The following COL24A1 variants were observed in gnomAD, a reference collection of about 807,000 sequenced individuals.
COL24A1 encodes collagen type XXIV alpha 1 chain.
A neutral mutation model predicts 253.9 loss-of-function variants in COL24A1; 224 were observed. The observed-to-expected ratio is 0.88, with a 90% confidence interval of 0.79 to 0.99. COL24A1 has a LOEUF of 0.99. Ranked by LOEUF, COL24A1 falls within the 50% of genes least tolerant of loss-of-function variation. The pLI is 0.00. For synonymous variants in COL24A1, 685 were observed against 673.7 expected (o/e 1.02, Z -0.26); for missense variants, 2,131 against 2,068.5 (o/e 1.03, Z -0.59).
At chr1:85,962,656 G>C (rs967583390) in intron 23 of COL24A1, among the ~76,000 whole-genome samples, 7 of 152,116 alleles carry the variant, frequency 4.6e-5, no homozygotes, top group African/African-American at 1.7e-4. Flanking sequence ...GTGAGGAATG[G>C]CATCAGCAAA....
intron 2 of COL24A1, among the ~76,000 whole-genome samples, chr1:86,143,034 T>A (rs997114841): frequency 2.0e-5 from 3 of 152,142 alleles, no homozygotes; most frequent in Admixed American, 6.6e-5. Context: ...GGGAATAATA[T>A]TTACAGCCTA....
chr1:85,961,880 C>T lies in COL24A1; in HGVS notation c.2518-587G>A, dbSNP rs1571383875. ...CAAGAATAGCAAGGCGGAAATAAGC[C>T]CCAATGAGCCAATCGCTTCCCACTA... On this transcript the variant is annotated intron_variant, in intron 23 of 59. Coordinates refer to ENST00000370571, the MANE Select transcript of COL24A1 (RefSeq NM_152890.7). Among the ~76,000 whole-genome samples the T allele has an allele frequency of 2.6e-5, 4 of 152,214 alleles. No individual in the cohort carries two copies. The South Asian group carries it at 8.3e-4, about 32-fold the overall frequency.
intron 7 of COL24A1, among the ~76,000 whole-genome samples, chr1:86,073,844 C>T (rs1218272921): frequency 6.6e-6 from 1 of 152,102 alleles, no homozygotes; most frequent in Non-Finnish European, 1.5e-5. Context: ...GAATTTTCAA[C>T]CCAGAATTTC....
chr1:85,921,134 G>A (rs1317718013), intron 24 of COL24A1, among the ~76,000 whole-genome samples: 9 of 152,118 alleles, frequency 5.9e-5, no homozygotes, highest in South Asian at 2.1e-4. Flanking sequence ...GTGGGGCATC[G>A]CCTCACCTGG....
At chr1:86,067,543 T>A (rs1181424584) in intron 7 of COL24A1, among the ~76,000 whole-genome samples, 1 of 152,162 alleles carries the variant, frequency 6.6e-6, no homozygotes, top group Non-Finnish European at 1.5e-5. Context: ...AATTTAAGAA[T>A]CACTTAGGTA....
At chr1:85,764,296 A>G (rs1278538536) in intron 53 of COL24A1, among the ~76,000 whole-genome samples, 1 of 152,126 alleles carries the variant, frequency 6.6e-6, no homozygotes, top group African/African-American at 2.4e-5. Context: ...GTTTGAAAGG[A>G]GAATTTAGTA....
intron 32 of COL24A1, among the ~76,000 whole-genome samples, chr1:85,882,788 G>A (rs768669189): frequency 3.3e-5 from 5 of 152,178 alleles, no homozygotes; most frequent in Admixed American, 6.5e-5. Context: ...TTGATGCTCC[G>A]TCGTCAGGTG....
Position 86,008,710 on chromosome 1 carries a change from T to C in COL24A1, c.2310+8441A>G, listed in dbSNP as rs1171322630. ...AAAGAAGAACTAAAATGATCTCTAT[T>C]TGAAAATTACATGATAGCATGTCTA... On this transcript the variant is annotated intron_variant, in intron 19 of 59. Transcript: ENST00000370571. Among the ~76,000 whole-genome samples the C allele has an allele frequency of 2.0e-5, 3 of 152,040 alleles. No individual in the cohort carries two copies. In the East Asian group the frequency reaches 5.8e-4, roughly 29 times the overall value.
At chr1:85,841,932 C>A in intron 41 of COL24A1, 136 bp downstream of exon 41, 1 of 637,070 alleles carries the variant, frequency 1.6e-6, no homozygotes, top group Non-Finnish European at 2.7e-6. Flanking sequence ...TTATTTTTTT[C>A]TTCCAGAATT....
intron 11 of COL24A1, among the ~76,000 whole-genome samples, chr1:86,048,315 T>C (rs965703026): frequency 6.6e-6 from 1 of 152,144 alleles, no homozygotes; most frequent in Admixed American, 6.5e-5. Flanking sequence ...CATTACTCTA[T>C]CTTATTTTCT....
chr1:85,988,281 A>G (rs548884016), intron 19 of COL24A1, among the ~76,000 whole-genome samples: 1 of 152,122 alleles, frequency 6.6e-6, no homozygotes, highest in African/African-American at 2.4e-5. Flanking sequence ...ATTGAATAAA[A>G]TCTTTGACCT....
intron 28 of COL24A1, among the ~76,000 whole-genome samples, chr1:85,905,558 T>G (rs1428165135): frequency 3.9e-5 from 6 of 152,086 alleles, no homozygotes; most frequent in African/African-American, 1.2e-4. Flanking sequence ...AGCCCTTGTT[T>G]CTAAACAAAT....
chr1:85,832,771 G>C (rs1404415138), intron 43 of COL24A1, among the ~76,000 whole-genome samples: 1 of 150,686 alleles, frequency 6.6e-6, no homozygotes, highest in East Asian at 1.9e-4. Flanking sequence ...TTTGCACATT[G>C]ATTTTGTATC....
intron 28 of COL24A1, among the ~76,000 whole-genome samples, chr1:85,896,936 T>C (rs1299514762): frequency 2.0e-5 from 3 of 152,196 alleles, no homozygotes; most frequent in Non-Finnish European, 4.4e-5. Flanking sequence ...AGCACAAAAA[T>C]AGCTAACACA....
At chr1:85,779,268 C>T (rs540711968) in intron 52 of COL24A1, among the ~76,000 whole-genome samples, 1 of 152,274 alleles carries the variant, frequency 6.6e-6, no homozygotes, top group South Asian at 2.1e-4. Context: ...CATCTCTCTT[C>T]CCTGTCACTG....
At chr1:85,825,054 C>T (rs1473054785) in intron 43 of COL24A1, among the ~76,000 whole-genome samples, 1 of 151,064 alleles carries the variant, frequency 6.6e-6, no homozygotes, top group East Asian at 1.9e-4. Context: ...GGTATATCCC[C>T]CAATGCTATC....
intron 47 of COL24A1, among the ~76,000 whole-genome samples, chr1:85,798,554 C>A (rs1034763474): frequency 6.6e-6 from 1 of 152,140 alleles, no homozygotes; most frequent in Non-Finnish European, 1.5e-5. Context: ...AGAAAAGTTT[C>A]TTTCGTGTGA....
intron 5 of COL24A1, among the ~76,000 whole-genome samples, chr1:86,100,854 C>A (rs1426400722): frequency 6.6e-6 from 1 of 152,154 alleles, no homozygotes; most frequent in Admixed American, 6.6e-5. Context: ...AAGCTCCACA[C>A]TCCCCATCCC....
At chr1:86,120,919 T>G (rs942706109) in intron 3 of COL24A1, among the ~76,000 whole-genome samples, 4 of 152,084 alleles carry the variant, frequency 2.6e-5, no homozygotes, top group Admixed American at 6.5e-5. Flanking sequence ...TAGACTGCAT[T>G]AAGAAAATGT....
Sources: allele counts gnomAD v4.1 joint callset (sites outside exome capture counted in the v4.1 genomes callset), GRCh38; gene constraint gnomAD v4.1.1; transcripts MANE v1.5; gene names NCBI Gene and HGNC (gene_info 2026-07-23, HGNC 2026-07-21).